The following MTUS2 variants were observed in gnomAD, a reference collection of about 807,000 sequenced individuals.
MTUS2 encodes the protein microtubule associated scaffold protein 2, also known as microtubule-associated tumor suppressor candidate 2.
MTUS2 carries 40 observed loss-of-function variants against 114.1 expected under a neutral mutation model. That is an observed-to-expected ratio of 0.35 (90% confidence interval 0.27 to 0.46). The LOEUF (loss-of-function observed/expected upper bound fraction) is 0.46. MTUS2 is among the 20% of genes least tolerant of loss of function. The pLI is 1.00. For synonymous variants in MTUS2, 688 were observed against 672.0 expected, an observed-to-expected ratio of 1.02 and a Z score of -0.37; for missense variants, 1,679 against 1,705.4, an observed-to-expected ratio of 0.98 and a Z score of 0.27.
intron 2 of MTUS2, among the ~76,000 whole-genome samples, chr13:28,841,756 C>T (rs945075206): frequency 4.0e-5 from 6 of 151,798 alleles, no homozygotes; most frequent in African/African-American, 7.3e-5. Flanking sequence ...GCGTGATCTC[C>T]GCTCACTGCA....
intron 5 of MTUS2, among the ~76,000 whole-genome samples, chr13:29,243,435 A>G (rs1439289695): frequency 1.3e-5 from 2 of 152,208 alleles, no homozygotes; most frequent in East Asian, 3.9e-4. Context: ...TGTCTCCTCA[A>G]TGTGCGAATG....
chr13:28,821,816 G>A (rs1293717018), intron 1 of MTUS2, among the ~76,000 whole-genome samples: 1 of 152,110 alleles, frequency 6.6e-6, no homozygotes, highest in African/African-American at 2.4e-5. Context: ...TAGAAACATG[G>A]GAAGAAAAAA....
At chr13:29,353,770 G>A (rs988803928) in intron 7 of MTUS2, among the ~76,000 whole-genome samples, 1 of 152,256 alleles carries the variant, frequency 6.6e-6, no homozygotes, top group African/African-American at 2.4e-5. Flanking sequence ...TTTACCTGAT[G>A]CCCCATGAAT....
intron 11 of MTUS2, among the ~76,000 whole-genome samples, chr13:29,489,261 C>T (rs533633184): frequency 3.3e-5 from 5 of 151,598 alleles, no homozygotes; most frequent in Non-Finnish European, 4.4e-5. Flanking sequence ...AGCGAAACTC[C>T]GCCTCAAAAA....
chr13:28,937,324 A>ACTGTAAAATGGACCAATCAGTGCT (rs553754521), intron 2 of MTUS2, among the ~76,000 whole-genome samples: 1 of 151,108 alleles, frequency 6.6e-6, no homozygotes, highest in Non-Finnish European at 1.5e-5. Context: ...CAACTAGCAC[A>ACTGTAAAATGGACCAATCAGTGCT]CTGTAAAATG....
chr13:28,842,772 A>T (rs1011242241), intron 2 of MTUS2, among the ~76,000 whole-genome samples: 1 of 152,230 alleles, frequency 6.6e-6, no homozygotes, highest in Non-Finnish European at 1.5e-5. Flanking sequence ...GATTAGGTAT[A>T]GAGCACCATG....
intron 5 of MTUS2, among the ~76,000 whole-genome samples, chr13:29,158,162 C>G (rs1200723574): frequency 1.3e-5 from 2 of 152,088 alleles, no homozygotes; most frequent in Non-Finnish European, 1.5e-5. Context: ...CCTCAAACGT[C>G]TTTGCTTCTG....
intron 9 of MTUS2, among the ~76,000 whole-genome samples, chr13:29,465,212 G>A (rs1879800477): frequency 6.6e-6 from 1 of 152,190 alleles, no homozygotes; most frequent in Non-Finnish European, 1.5e-5. Context: ...ATTACTAGTA[G>A]AGGCCAGGCA....
chr13:29,351,244 G>T (rs181370632), intron 7 of MTUS2, among the ~76,000 whole-genome samples: 2 of 152,150 alleles, frequency 1.3e-5, no homozygotes, highest in Non-Finnish European at 2.9e-5. Flanking sequence ...CAACTGAAAT[G>T]GTTAGTGCCT....
intron 7 of MTUS2, among the ~76,000 whole-genome samples, chr13:29,327,859 T>C (rs1044730617): frequency 1.3e-5 from 2 of 152,246 alleles, no homozygotes; most frequent in African/African-American, 4.8e-5. Context: ...CAGTTGTATA[T>C]GACAGTTCCA....
chr13:29,076,602 G>A (rs796566735), intron 4 of MTUS2, among the ~76,000 whole-genome samples: 4 of 152,310 alleles, frequency 2.6e-5, no homozygotes, highest in African/African-American at 9.6e-5. Context: ...GCAGGCCTCA[G>A]TTCCTCCCCA....
At chr13:29,236,920 C>T (rs1202888869) in intron 5 of MTUS2, among the ~76,000 whole-genome samples, 2 of 152,190 alleles carry the variant, frequency 1.3e-5, no homozygotes, top group Admixed American at 6.5e-5. Context: ...TTCTTGTTCT[C>T]TGTTGGAAAG....
intron 8 of MTUS2, among the ~76,000 whole-genome samples, chr13:29,417,853 A>G (rs1355790097): frequency 2.0e-5 from 3 of 152,190 alleles, no homozygotes; most frequent in Middle Eastern, 3.2e-3. Flanking sequence ...AGTTCTTTGT[A>G]ATAACTCTGT....
At chr13:29,229,870 T>C (rs932314689) in intron 5 of MTUS2, among the ~76,000 whole-genome samples, 5 of 151,386 alleles carry the variant, frequency 3.3e-5, no homozygotes, top group African/African-American at 4.9e-5. Context: ...ATAAAAATTA[T>C]ATTTTTTTAT....
intron 8 of MTUS2, among the ~76,000 whole-genome samples, chr13:29,402,443 A>G (rs1318388540): frequency 6.6e-6 from 1 of 152,198 alleles, no homozygotes; most frequent in African/African-American, 2.4e-5. Flanking sequence ...AGTAAAATTC[A>G]TGGTAAGCAT....
At chr13:29,200,521 GTTTTTT>G (rs56965083) in intron 5 of MTUS2, among the ~76,000 whole-genome samples, 1 of 85,432 alleles carries the variant, frequency 1.2e-5, no homozygotes, top group African/African-American at 5.0e-5. Flanking sequence ...TTCTTTTTCT[GTTTTTT>G]TTTTTTTTTT....
intron 2 of MTUS2, among the ~76,000 whole-genome samples, chr13:28,904,290 G>T (rs2137974156): frequency 6.6e-6 from 1 of 151,498 alleles, no homozygotes; most frequent in African/African-American, 2.4e-5. Context: ...CAATTTTGTT[G>T]CCCTTGCTTT....
intron 4 of MTUS2, among the ~76,000 whole-genome samples, chr13:29,048,716 T>A (rs1354873898): frequency 1.5e-4 from 23 of 152,172 alleles, no homozygotes; most frequent in Non-Finnish European, 3.4e-4. Flanking sequence ...GCAGTCCTCT[T>A]GCCTCAGCCT....
At chr13:29,079,790 A>C (rs1781765299) in intron 4 of MTUS2, among the ~76,000 whole-genome samples, 1 of 152,164 alleles carries the variant, frequency 6.6e-6, no homozygotes, top group African/African-American at 2.4e-5. Context: ...TGTCTTGATT[A>C]TTGTAGCTTT....
Sources: gnomAD v4.1 joint callset for allele counts (sites outside exome capture counted in the v4.1 genomes callset) on GRCh38, gnomAD v4.1.1 for gene constraint, MANE v1.5 for transcripts, NCBI Gene and HGNC (gene_info 2026-07-23, HGNC 2026-07-21) for gene names.